PLCG2: variants seen among roughly 807,000 people sequenced by gnomAD.
PLCG2 encodes the protein phospholipase C gamma 2.
A neutral mutation model predicts 175.6 loss-of-function variants in PLCG2; 69 were observed. The ratio of observed to expected loss-of-function variants is 0.39; its 90% CI spans 0.32 to 0.48. PLCG2 has a LOEUF of 0.48. Among genes scored for constraint, PLCG2 ranks in the 20% least tolerant of loss-of-function variants. PLCG2 has a pLI of 0.91. For missense variants in PLCG2, 1,798 were observed against 1,650.9 expected, an observed-to-expected ratio of 1.09 and a Z score of -1.54; for synonymous variants, 827 against 624.0, an observed-to-expected ratio of 1.33 and a Z score of -4.85.
chr16:81,751,098 A>C (rs1399383417), intron 1 of PLCG2, among the ~76,000 whole-genome samples: 2 of 146,738 alleles, frequency 1.4e-5, no homozygotes, highest in Non-Finnish European at 3.0e-5. Context: ...CTCCTGCCTC[A>C]GCCTCCTCAG....
chr16:81,824,850 G>C (rs949281992), intron 2 of PLCG2, among the ~76,000 whole-genome samples: 1 of 152,346 alleles, frequency 6.6e-6, no homozygotes, highest in East Asian at 1.9e-4. Flanking sequence ...TTTTGCATGT[G>C]TGATTAAGGG....
At chr16:81,905,637 G>C (rs913663443) in intron 15 of PLCG2, 130 bp downstream of exon 15, 60 of 639,170 alleles carry the variant, frequency 9.4e-5, no homozygotes, top group Non-Finnish European at 8.8e-5. Context: ...TTTGCCATGT[G>C]AATTTACCTT....
rs776449840 is a variant in PLCG2, at chr16:81,859,182, T to C, written c.479+19T>C. On this transcript the variant is annotated intron_variant, in intron 5 of 32. Coordinates refer to ENST00000564138, the MANE Select transcript of PLCG2 (RefSeq NM_002661.5). ...GAAACAGGTAAGAGTCATTCAGTTT[T>C]TTTCTGATCACTTTGGATTTCGATC... is the stretch of plus-strand genomic sequence containing the variant. 1 of 1,543,624 alleles carries C rather than the reference T, an allele frequency of 6.5e-7. No homozygotes were observed. Among genetic ancestry groups the C allele is most frequent in the African/African-American group, 1.4e-5 (1 of 73,646 alleles).
intron 24 of PLCG2, among the ~76,000 whole-genome samples, chr16:81,930,585 A>G (rs928602517): frequency 3.3e-5 from 5 of 151,948 alleles, no homozygotes; most frequent in Middle Eastern, 3.4e-3. Context: ...CCCTCTCTAC[A>G]AAAAATACAA....
At chr16:81,809,205 C>G (rs1452668253) in intron 2 of PLCG2, among the ~76,000 whole-genome samples, 1 of 152,258 alleles carries the variant, frequency 6.6e-6, no homozygotes, top group South Asian at 2.1e-4. Context: ...CACCTCTGCA[C>G]ACCACAAGCC....
chr16:81,870,373 A>G (rs1262757668), intron 6 of PLCG2, among the ~76,000 whole-genome samples: 1 of 152,236 alleles, frequency 6.6e-6, no homozygotes, highest in Non-Finnish European at 1.5e-5. Flanking sequence ...ATTGGAGCTG[A>G]GTTCTGTCTG....
intron 13 of PLCG2, chr16:81,898,040 G>A (rs922215015): frequency 2.9e-6 from 1 of 347,262 alleles, no homozygotes; most frequent in East Asian, 8.8e-5. Flanking sequence ...TCAGGCAGAT[G>A]GAAGGAGCTG....
chr16:81,955,580 G>A (rs1911534145), intron 31 of PLCG2, among the ~76,000 whole-genome samples: 1 of 152,166 alleles, frequency 6.6e-6, no homozygotes, highest in South Asian at 2.1e-4. Flanking sequence ...GGTAGGTCTT[G>A]TTTCAGTCAT....
chr16:81,855,951 C>G (rs562619378), intron 3 of PLCG2, among the ~76,000 whole-genome samples: 2 of 152,260 alleles, frequency 1.3e-5, no homozygotes, highest in Non-Finnish European at 2.9e-5. Context: ...ACCTCTGTCT[C>G]CTTAGCCCCA....
intron 30 of PLCG2, among the ~76,000 whole-genome samples, chr16:81,944,115 A>C (rs1223679651): frequency 6.6e-6 from 1 of 152,242 alleles, no homozygotes; most frequent in Non-Finnish European, 1.5e-5. Context: ...GAAGAGGAAC[A>C]CTGTAAAGTA....
intron 2 of PLCG2, among the ~76,000 whole-genome samples, chr16:81,823,656 G>C (rs1376100287): frequency 6.6e-6 from 1 of 151,640 alleles, no homozygotes; most frequent in Non-Finnish European, 1.5e-5. Context: ...CTCTCAAGTA[G>C]CTGAGACTAC....
chr16:81,912,669 C>T lies in PLCG2; in HGVS notation c.2007C>T (p.Phe669=), dbSNP rs1471718574. The stretch of plus-strand genomic sequence containing the variant: ...TGAGGATTCCCCGGGACGGGGCCTT[C>T]CTGATCCGGAAGCGAGAGGGGAGCG... ...MLMRIPRDGA[F]LIRKREGSDS... Residue 669 remains phenylalanine (F), a synonymous_variant, in exon 19 of 33, where the codon TTC becomes TTT. Coordinates refer to ENST00000564138, the MANE Select transcript of PLCG2 (RefSeq NM_002661.5). 6 of 1,612,750 alleles carry T rather than the reference C, an allele frequency of 3.7e-6. No individual in the cohort carries two copies. The East Asian group carries it at 6.7e-5, about 18-fold the overall frequency.
At chr16:81,847,935 T>G (rs754223994) in intron 2 of PLCG2, among the ~76,000 whole-genome samples, 3 of 152,220 alleles carry the variant, frequency 2.0e-5, no homozygotes, top group Non-Finnish European at 4.4e-5. Flanking sequence ...GGGATGACTG[T>G]ATATCTTATT....
At position 81,858,254 on chromosome 16, in the gene PLCG2, C is replaced by G. The variant is rs1191735406; in HGVS notation, c.338-9C>G. On this transcript the variant is annotated splice_polypyrimidine_tract_variant and intron_variant, in intron 3 of 32. Transcript: ENST00000564138. ...AACACAGCATTTCTGTTCCCTTTCTCCACTCCAGCTGACTCTAAAGAGGAT... is the reference window on the plus strand; with the variant it reads ...AACACAGCATTTCTGTTCCCTTTCTGCACTCCAGCTGACTCTAAAGAGGAT... The G allele has an allele frequency of 3.1e-6, 5 of 1,593,726 alleles. No individual in the cohort carries two copies. Among genetic ancestry groups the G allele is most frequent in the Non-Finnish European group, 4.3e-6 (5 of 1,161,440 alleles).
intron 2 of PLCG2, among the ~76,000 whole-genome samples, chr16:81,805,782 TG>T (rs372683546): frequency 0.12 from 9,191 of 79,744 alleles, 712 homozygotes; most frequent in African/African-American, 0.17. Context: ...TTTTTTTTTT[TG>T]TTTTTTTTTT....
chr16:81,910,535 C>G lies in PLCG2; in HGVS notation c.1749C>G (p.Val583=). ...YTLSFWRSGR[V]QHCRIRSTME... ...CTCCCCGCAGGCGGTCAGGCCGGGTCCAGCACTGCCGGATCCGCTCCACCA... is the reference window on the plus strand; with the variant it reads ...CTCCCCGCAGGCGGTCAGGCCGGGTGCAGCACTGCCGGATCCGCTCCACCA... The change falls in exon 18 of 33, where the codon GTC becomes GTG. Residue 583 remains valine (V), a synonymous_variant. Coordinates refer to ENST00000564138, the MANE Select transcript of PLCG2 (RefSeq NM_002661.5). 6.2e-7 allele frequency: 1 copy of G among 1,614,002 alleles called. No homozygotes were observed. The highest frequency in any genetic ancestry group is 8.5e-7 in the Non-Finnish European group (1 of 1,179,978).
At chr16:81,927,528 C>T (rs1014103594) in intron 23 of PLCG2, among the ~76,000 whole-genome samples, 5 of 152,158 alleles carry the variant, frequency 3.3e-5, no homozygotes, top group East Asian at 1.9e-4. Flanking sequence ...ACATTGAGAA[C>T]GTGCTTGGGG....
chr16:81,941,687 A>G (rs1422126576), intron 30 of PLCG2, among the ~76,000 whole-genome samples: 1 of 147,878 alleles, frequency 6.8e-6, no homozygotes, highest in Admixed American at 6.7e-5. Context: ...TAACTCACCC[A>G]CACTGTAAAC....
At chr16:81,842,850 G>C (rs566215589) in intron 2 of PLCG2, 1 of 152,180 alleles carries the variant, frequency 6.6e-6, no homozygotes, top group East Asian at 1.9e-4. Context: ...CCAAAAGTCC[G>C]CAAGGCTGTG....
Sources: gnomAD v4.1 joint callset for allele counts (sites outside exome capture counted in the v4.1 genomes callset) on GRCh38, gnomAD v4.1.1 for gene constraint, MANE v1.5 for transcripts, NCBI Gene and HGNC (gene_info 2026-07-23, HGNC 2026-07-21) for gene names.